The following TMC5 variants were observed in gnomAD, a reference collection of about 807,000 sequenced individuals.
The protein encoded by TMC5 is transmembrane channel like 5, also known as transmembrane channel-like protein 5.
In TMC5, 86 loss-of-function variants were observed where a neutral mutation model predicts 110.5. The observed-to-expected ratio is 0.78, with a 90% CI of 0.65 to 0.93. TMC5 has a LOEUF of 0.93. Ranked by LOEUF, TMC5 falls within the 40% of genes least tolerant of loss-of-function variation. The pLI is 0.00. For synonymous variants in TMC5, 455 were observed against 439.5 expected (o/e 1.04, Z -0.44); for missense variants, 1,144 against 1,222.8 (o/e 0.94, Z 0.96).
In TMC5 at chr16:19,466,204, G is replaced by T; in HGVS notation, c.1608G>T (p.Leu536Phe). The change falls in exon 9 of 22, where the codon TTG becomes TTT. Residue 536 changes from leucine to phenylalanine, a missense_variant. Transcript: ENST00000542583. ...ACATCTTCACAATCGGAGCATGCTT[G>T]ACCACCTGCTTCTTCAGTTTGCTGT... ...LAYIFTIGAC[L>F]TTCFFSLLFS... 1 of 1,614,042 alleles carries T rather than the reference G, an allele frequency of 6.2e-7. No homozygotes were observed. Among genetic ancestry groups the T allele is most frequent in the South Asian group, 1.1e-5 (1 of 91,076 alleles).
intron 5 of TMC5, among the ~76,000 whole-genome samples, chr16:19,452,957 G>A (rs1051456207): frequency 6.6e-6 from 1 of 151,458 alleles, no homozygotes. Flanking sequence ...TATAACAAGG[G>A]CTATGGTAGT....
At chr16:19,414,107 C>T (rs1030910821), upstream of TMC5, among the ~76,000 whole-genome samples, 1 of 152,178 alleles carries the variant, frequency 6.6e-6, no homozygotes, top group African/African-American at 2.4e-5. Flanking sequence ...CCTGTTCCAG[C>T]GTCTGCTCAT....
At chr16:19,483,778 CAAAAA>C (rs1416382302) in intron 15 of TMC5, among the ~76,000 whole-genome samples, 9 of 122,234 alleles carry the variant, frequency 7.4e-5, no homozygotes, top group African/African-American at 3.8e-4. Context: ...AACTCTGTCT[CAAAAA>C]GAAAAGAAAA....
At chr16:19,450,696 C>T (rs1967728807) in intron 5 of TMC5, among the ~76,000 whole-genome samples, 1 of 152,180 alleles carries the variant, frequency 6.6e-6, no homozygotes, top group Non-Finnish European at 1.5e-5. Flanking sequence ...GGACTCTGGC[C>T]AGTCTAACTG....
intron 2 of TMC5, among the ~76,000 whole-genome samples, chr16:19,438,249 G>A (rs755525897): frequency 9.2e-5 from 14 of 151,380 alleles, no homozygotes; most frequent in Admixed American, 2.0e-4. Context: ...GAAAAAATTA[G>A]GACCACAAGA....
In TMC5 at chr16:19,419,402, G is replaced by GTTTTTT. The variant is rs55696911; in HGVS notation, c.-308+1333_-308+1338dup. Among the ~76,000 whole-genome samples, 526 of 65,646 alleles carry GTTTTTT rather than the reference G, an allele frequency of 8.0e-3. 100 individuals are homozygous for GTTTTTT. The highest frequency in any genetic ancestry group is 0.025 in the African/African-American group (417 of 16,978). The allele number at this position is 65,646 out of a possible 152,430, so 43.1% of individuals were successfully genotyped here. A position where few individuals can be genotyped will look rare whatever the true frequency, so the allele number is the denominator to read the frequency against. On this transcript the variant is annotated intron_variant, in intron 1 of 21. Transcript: ENST00000542583. ...AAGCTCAGTGGAAATGAATGTGTTG[G>GTTTTTT]TTTTTTTTTTTTTTTTTTTTTTTTT...
intron 5 of TMC5, among the ~76,000 whole-genome samples, chr16:19,455,026 T>G (rs896880688): frequency 6.6e-6 from 1 of 151,794 alleles, no homozygotes; most frequent in Non-Finnish European, 1.5e-5. Context: ...TCCCAGATAC[T>G]CAGGAGGCTG....
At position 19,476,617 on chromosome 16, in the gene TMC5, A is replaced by G. The variant is rs189722637; in HGVS notation, c.2091-823A>G. Among the ~76,000 whole-genome samples, 678 of 152,332 alleles carry G rather than the reference A, an allele frequency of 4.5e-3. 4 individuals are homozygous for G. The highest frequency in any genetic ancestry group is 6.4e-3 in the Non-Finnish European group (437 of 68,030). ...GGTTGGCAGTGTACGCTGGGTCAGC[A>G]CCCAATAAACATTATGTACATTTAC... On this transcript the variant is annotated intron_variant, in intron 12 of 21. Coordinates refer to ENST00000542583, the MANE Select transcript of TMC5 (RefSeq NM_001261841.2).
Position 19,498,155 on chromosome 16 carries a change from G to C in TMC5, c.*189G>C, listed in dbSNP as rs780544286. The C allele has an allele frequency of 5.1e-6, 3 of 584,668 alleles. No individual in the cohort carries two copies. The highest frequency in any genetic ancestry group is 3.2e-5 in the Admixed American group (1 of 30,780). The allele number at this position is 584,668 out of a possible 1,614,324, so 36.2% of individuals were successfully genotyped here. The stretch of plus-strand genomic sequence containing the variant: ...CATTCCATGCTATTTTTAATACCTG[G>C]ATTGCTGATTTTTCAAGACAAAATA... On this transcript the variant is annotated 3_prime_UTR_variant, in exon 22 of 22. Transcript: ENST00000542583.
chr16:19,436,273 GAA>G (rs750838547), intron 2 of TMC5, among the ~76,000 whole-genome samples: 1 of 107,600 alleles, frequency 9.3e-6, no homozygotes, highest in Admixed American at 1.1e-4. Context: ...GTCTCAAAAA[GAA>G]AAAAAAAAAG....
Position 19,472,144 on chromosome 16 carries a change from G to A in TMC5, c.1839G>A (p.Leu613=). 7 of 1,614,206 alleles carry A rather than the reference G, an allele frequency of 4.3e-6. No individual in the cohort carries two copies. The highest frequency in any genetic ancestry group is 5.9e-6 in the Non-Finnish European group (7 of 1,180,036). The change falls in exon 11 of 22, where the codon CTG becomes CTA. Residue 613 remains leucine, a synonymous_variant. Coordinates refer to ENST00000542583, the MANE Select transcript of TMC5 (RefSeq NM_001261841.2). ...CCAAGTTGACGTTCAATCAGCTGCT[G>A]ACCCGCTTCTCTGCCTACATGGTAG... The part of the protein sequence containing the change: ...ENSKLTFNQL[L]TRFSAYMVAW...
chr16:19,412,218 G>A (rs574849652), intron 1 of TMC5, among the ~76,000 whole-genome samples: 107 of 151,038 alleles, frequency 7.1e-4, no homozygotes, highest in Admixed American at 2.3e-3. Context: ...CCAAAGGCAC[G>A]CACCACCATG....
intron 16 of TMC5, 46 bp from the exon 17 acceptor site, chr16:19,487,147 C>T (rs201020749): frequency 1.2e-4 from 191 of 1,603,646 alleles, no homozygotes; most frequent in South Asian, 1.1e-3. Flanking sequence ...GTCCCTCTGC[C>T]GCTGCTCCGG....
Position 19,480,562 on chromosome 16 carries a change from T to C in TMC5, c.2268-808T>C, listed in dbSNP as rs144223738. Among the ~76,000 whole-genome samples, 385 of 152,254 alleles carry C rather than the reference T, an allele frequency of 2.5e-3. 1 individual carries two copies. Among genetic ancestry groups the C allele is most frequent in the African/African-American group, 9.0e-3 (374 of 41,542 alleles). On this transcript the variant is annotated intron_variant, in intron 14 of 21. Coordinates refer to ENST00000542583, the MANE Select transcript of TMC5 (RefSeq NM_001261841.2). ...ACTCATACCTGTAATCCCAACACTT[T>C]GGGAGGCCAAGGCGGGTGAATCACC...
At chr16:19,484,969 G>C (rs1747118422) in intron 15 of TMC5, among the ~76,000 whole-genome samples, 1 of 151,542 alleles carries the variant, frequency 6.6e-6, no homozygotes, top group Non-Finnish European at 1.5e-5. Flanking sequence ...TGACAGAAAA[G>C]GATATATGTT....
At chr16:19,434,671 C>T (rs1967302798) in intron 2 of TMC5, among the ~76,000 whole-genome samples, 1 of 151,782 alleles carries the variant, frequency 6.6e-6, no homozygotes, top group Non-Finnish European at 1.5e-5. Context: ...GTGACTTTTA[C>T]TGTGTACTCA....
In TMC5 at chr16:19,473,605, G is replaced by A. The variant is rs570519606; in HGVS notation, c.1939-520G>A. 3.3e-5 allele frequency among the ~76,000 whole-genome samples: 5 copies of A among 152,260 alleles called. No individual in the cohort carries two copies. The South Asian group carries it at 1.0e-3, about 32-fold the overall frequency. ...CTCCAATCTGCCACTTCCTTGCTGG[G>A]TGACCCTGGGCAAGTGTCTTCCCCT... On this transcript the variant is annotated intron_variant, in intron 11 of 21. Coordinates refer to ENST00000542583, the MANE Select transcript of TMC5 (RefSeq NM_001261841.2).
intron 8 of TMC5, 137 bp downstream of exon 8, chr16:19,464,161 T>C: frequency 8.9e-7 from 1 of 1,120,594 alleles, no homozygotes; most frequent in Non-Finnish European, 1.2e-6. Context: ...TTGAAATGTT[T>C]TCCTGGCTGA....
chr16:19,431,931 T>A (rs2143411675), intron 2 of TMC5, among the ~76,000 whole-genome samples: 1 of 152,306 alleles, frequency 6.6e-6, no homozygotes, highest in South Asian at 2.1e-4. Context: ...TGTTGATGAA[T>A]TTTTGAATTG....
Sources: allele counts gnomAD v4.1 joint callset (sites outside exome capture counted in the v4.1 genomes callset), GRCh38; gene constraint gnomAD v4.1.1; transcripts MANE v1.5; gene names NCBI Gene and HGNC (gene_info 2026-07-23, HGNC 2026-07-21).